Variants in FANCM observed in about 807,000 individuals in gnomAD.
FANCM encodes the protein Fanconi anemia group M protein.
FANCM carries 140 observed loss-of-function variants against 199.5 expected under a neutral mutation model. The observed-to-expected ratio is 0.70, with a 90% confidence interval of 0.61 to 0.81. The LOEUF (loss-of-function observed/expected upper bound fraction) is 0.81. Ranked by LOEUF, FANCM falls within the 30% of genes least tolerant of loss-of-function variation. The pLI is 0.00. For missense variants in FANCM, 2,410 were observed against 2,421.4 expected (o/e 1.00, Z 0.10); for synonymous variants, 840 against 836.8 (o/e 1.00, Z -0.07).
intron 8 of FANCM, among the ~76,000 whole-genome samples, chr14:45,158,700 T>C (rs1205783406): frequency 1.3e-5 from 2 of 152,182 alleles, no homozygotes; most frequent in Non-Finnish European, 2.9e-5. Context: ...TAGTCAAAAG[T>C]GATTCAGATA....
chr14:45,178,792 T>C (rs531694874), intron 14 of FANCM, among the ~76,000 whole-genome samples: 2 of 152,328 alleles, frequency 1.3e-5, no homozygotes, highest in South Asian at 4.1e-4. Context: ...TTGTTATCTA[T>C]TGCTGTTTAA....
intron 20 of FANCM, among the ~76,000 whole-genome samples, chr14:45,190,679 A>T (rs1025840268): frequency 6.6e-6 from 1 of 150,572 alleles, no homozygotes; most frequent in East Asian, 1.9e-4. Context: ...CAGTGTCCAC[A>T]CAATGGTCCT....
At chr14:45,168,997 C>T (rs1455322607) in intron 11 of FANCM, among the ~76,000 whole-genome samples, 2 of 151,946 alleles carry the variant, frequency 1.3e-5, no homozygotes, top group Non-Finnish European at 2.9e-5. Context: ...TCTCGGCTCA[C>T]TGCAACCTCT....
In FANCM at chr14:45,176,575, A is replaced by G; in HGVS notation, c.3821A>G (p.Tyr1274Cys). The change falls in exon 14 of 23, where the codon TAT (tyrosine) becomes TGT (cysteine). Residue 1274 changes from tyrosine (Y) to cysteine (C), a missense_variant. Tyr to Cys is a radical substitution (Grantham distance 194). Coordinates refer to ENST00000267430, the MANE Select transcript of FANCM (RefSeq NM_020937.4). The stretch of plus-strand genomic sequence containing the variant: ...ATTAAGGAGATAAGTGATGCAAATT[A>G]TGTTTCGAATCAAGCACTAATACCA... ...LEIKEISDAN[Y>C]VSNQALIPRD... is the part of the protein sequence containing the mutation. The G allele has an allele frequency of 1.2e-6, 2 of 1,604,772 alleles. No individual in the cohort carries two copies. Among genetic ancestry groups the G allele is most frequent in the Non-Finnish European group, 1.7e-6 (2 of 1,175,102 alleles).
At chr14:45,154,947 A>G (rs1887076739) in intron 7 of FANCM, 125 bp downstream of exon 7, 4 of 656,248 alleles carry the variant, frequency 6.1e-6, no homozygotes, top group Non-Finnish European at 1.0e-5. Context: ...GATCTGTTAA[A>G]TGTGTAAATA....
intron 9 of FANCM, 21 bp downstream of exon 9, chr14:45,159,301 T>G (rs1887418030): frequency 1.9e-6 from 3 of 1,550,634 alleles, no homozygotes; most frequent in South Asian, 1.1e-5. Context: ...TTGGAATTGA[T>G]AAAAATAAAA....
intron 5 of FANCM, among the ~76,000 whole-genome samples, chr14:45,152,677 A>C (rs1350437702): frequency 1.3e-5 from 2 of 152,210 alleles, no homozygotes; most frequent in East Asian, 3.9e-4. Context: ...CAGTGAGCAG[A>C]CCAATTTGGC....
chr14:45,163,207 C>T (rs537812043), intron 9 of FANCM, among the ~76,000 whole-genome samples: 25 of 152,270 alleles, frequency 1.6e-4, no homozygotes, highest in African/African-American at 5.8e-4. Context: ...AGACATTAGG[C>T]AAATAGCTTA....
chr14:45,137,450 GTTTTCT>G (rs1885603874), intron 2 of FANCM: 1 of 570,538 alleles, frequency 1.8e-6, no homozygotes, highest in African/African-American at 1.9e-5. Flanking sequence ...TGTTATTGTT[GTTTTCT>G]TTTTCTTTTC....
At chr14:45,167,818 T>G (rs761275689) in intron 11 of FANCM, among the ~76,000 whole-genome samples, 2 of 152,174 alleles carry the variant, frequency 1.3e-5, no homozygotes, top group Admixed American at 6.5e-5. Context: ...GAAGGAACCT[T>G]GGGAGTCATG....
rs962162479 is a variant in FANCM at position 45,167,630 on chromosome 14, T to C, written c.2002+467T>C. On this transcript the variant is annotated intron_variant, in intron 11 of 22. Transcript: ENST00000267430. ...GCACCATTTGCTATACATTCCTTCA[T>C]AGTTTATCCCATATTTACCTGGTAA... Among the ~76,000 whole-genome samples the C allele has an allele frequency of 3.3e-5, 5 of 152,302 alleles. No homozygotes were observed. The East Asian group carries it at 9.6e-4, about 29-fold the overall frequency.
In FANCM at chr14:45,154,637, A is replaced by G. The variant is rs1212113667; in HGVS notation, c.1184-60A>G. On this transcript the variant is annotated intron_variant, in intron 6 of 22. Coordinates refer to ENST00000267430, the MANE Select transcript of FANCM (RefSeq NM_020937.4). The stretch of plus-strand genomic sequence containing the variant: ...CTAAAGTTTAATTTCTTTTTAATAA[A>G]TAATACATTTTATCAGTTTTATTAT... The G allele has an allele frequency of 6.1e-6, 7 of 1,144,442 alleles. No homozygotes were observed. The African/African-American group carries it at 6.2e-5, about 10-fold the overall frequency. 70.9% of individuals were successfully genotyped at this position (1,144,442 alleles called of 1,614,324 possible). A position where few individuals can be genotyped will look rare whatever the true frequency, so the allele number is the denominator to read the frequency against.
In FANCM at chr14:45,176,048, T is replaced by A; in HGVS notation, c.3294T>A (p.Asn1098Lys). The change falls in exon 14 of 23, where the codon AAT (asparagine) becomes AAA (lysine). Residue 1098 changes from asparagine to lysine, a missense_variant. By Grantham distance (94) the Asn-to-Lys change is moderately conservative. Transcript: ENST00000267430. Reference sequence around the variant, plus strand: ...AAAATGAAAATTTAGTACCTAACAATCGTGTTCAAATACACAGAAGCCCTG... The same window carrying A: ...AAAATGAAAATTTAGTACCTAACAAACGTGTTCAAATACACAGAAGCCCTG... Reference protein sequence around the residue: ...HNQNENLVPNNRVQIHRSPAQ... With the variant: ...HNQNENLVPNKRVQIHRSPAQ... The A allele has an allele frequency of 6.2e-7, 1 of 1,614,048 alleles. No individual in the cohort carries two copies. Among genetic ancestry groups the A allele is most frequent in the Non-Finnish European group, 8.5e-7 (1 of 1,179,940 alleles).
intron 18 of FANCM, among the ~76,000 whole-genome samples, chr14:45,185,754 A>C (rs1026837662): frequency 6.6e-6 from 1 of 152,204 alleles, no homozygotes; most frequent in Non-Finnish European, 1.5e-5. Flanking sequence ...GAGACAGACA[A>C]TATATATACT....
At chr14:45,181,196 A>G (rs114245176) in intron 14 of FANCM, among the ~76,000 whole-genome samples, 1 of 152,138 alleles carries the variant, frequency 6.6e-6, no homozygotes, top group Non-Finnish European at 1.5e-5. Flanking sequence ...CTTCATTCAA[A>G]TATGTGTTTA....
At chr14:45,138,904 G>C (rs28370281) in intron 2 of FANCM, among the ~76,000 whole-genome samples, 24,844 of 152,062 alleles carry the variant, frequency 0.16, 3,767 homozygotes, top group African/African-American at 0.4. Flanking sequence ...AGAATTCTTC[G>C]TGAAAAGAAG....
intron 21 of FANCM, chr14:45,198,434 C>T (rs996716832): frequency 7.1e-5 from 30 of 423,760 alleles, no homozygotes; most frequent in East Asian, 1.1e-4. Context: ...CACCTTTCTA[C>T]GTTGATTCCA....
intron 15 of FANCM, 56 bp from the exon 16 acceptor site, chr14:45,181,581 T>C (rs1889072597): frequency 6.5e-7 from 1 of 1,532,296 alleles, no homozygotes; most frequent in Non-Finnish European, 9.0e-7. Flanking sequence ...TTTCCTTTTA[T>C]ACCTTGGGCT....
chr14:45,154,891 C>T (rs2139172124), intron 7 of FANCM, 69 bp downstream of exon 7: 1 of 1,280,516 alleles, frequency 7.8e-7, no homozygotes, highest in Non-Finnish European at 1.1e-6. Flanking sequence ...TGAAATTTTG[C>T]TCCTTTGATG....
Sources: allele counts gnomAD v4.1 joint callset (sites outside exome capture counted in the v4.1 genomes callset), GRCh38; gene constraint gnomAD v4.1.1; transcripts MANE v1.5; gene names NCBI Gene and HGNC (gene_info 2026-07-23, HGNC 2026-07-21).